ITGA6: variants seen among roughly 807,000 people sequenced by gnomAD.
ITGA6 encodes integrin alpha-6.
ITGA6 carries 63 observed loss-of-function variants against 133.6 expected under a neutral mutation model. That is an observed-to-expected ratio of 0.47 (90% confidence interval 0.38 to 0.58). The LOEUF is 0.58. Ranked by LOEUF, ITGA6 falls within the 20% of genes least tolerant of loss-of-function variation. The pLI is 0.00. For missense variants in ITGA6, 1,068 were observed against 1,309.4 expected, an observed-to-expected ratio of 0.82 and a Z score of 2.85; for synonymous variants, 434 against 482.0, an observed-to-expected ratio of 0.90 and a Z score of 1.30.
chr2:172,482,866 G>C (rs888406067), intron 11 of ITGA6, among the ~76,000 whole-genome samples: 1 of 100,914 alleles, frequency 9.9e-6, no homozygotes, highest in African/African-American at 6.0e-5. Flanking sequence ...ATGTCACATC[G>C]TGTGTGTGCG....
chr2:172,498,798 A>G (rs895145827), intron 24 of ITGA6, among the ~76,000 whole-genome samples: 9 of 152,220 alleles, frequency 5.9e-5, no homozygotes, highest in African/African-American at 1.7e-4. Context: ...AGTGAGTGAT[A>G]GAGGCTTACA....
chr2:172,493,918 A>G (rs1687023867), intron 23 of ITGA6, among the ~76,000 whole-genome samples: 2 of 152,146 alleles, frequency 1.3e-5, no homozygotes, highest in Non-Finnish European at 2.9e-5. Flanking sequence ...ATGTTCTTAG[A>G]GCTTGGAGAA....
intron 6 of ITGA6, among the ~76,000 whole-genome samples, chr2:172,474,504 A>G (rs1342979640): frequency 6.8e-6 from 1 of 147,666 alleles, no homozygotes; most frequent in Non-Finnish European, 1.5e-5. Context: ...TGGGATCATG[A>G]GTCTATGAGA....
In ITGA6 at chr2:172,492,140, C is replaced by T. The variant is rs948271200; in HGVS notation, c.2988+617C>T. Among the ~76,000 whole-genome samples the T allele has an allele frequency of 2.0e-5, 3 of 152,214 alleles. No homozygotes were observed. The East Asian group carries it at 5.8e-4, about 29-fold the overall frequency. ...CCCTTCCTGGGCAATTTGATTCCCA[C>T]GTGGACAGAGCAGCTGAGGTGGGGT... On this transcript the variant is annotated intron_variant, in intron 23 of 25. Coordinates refer to ENST00000684293, the MANE Select transcript of ITGA6 (RefSeq NM_000210.4).
chr2:172,461,889 G>A (rs1685440024), intron 1 of ITGA6, among the ~76,000 whole-genome samples: 1 of 152,172 alleles, frequency 6.6e-6, no homozygotes, highest in Non-Finnish European at 1.5e-5. Context: ...AAATGACCTA[G>A]ATTAGGAAGT....
chr2:172,481,907 A>G (rs982948924), intron 11 of ITGA6, among the ~76,000 whole-genome samples: 2 of 152,212 alleles, frequency 1.3e-5, no homozygotes, highest in African/African-American at 4.8e-5. Context: ...GCCATACCTT[A>G]CACTAGCCCA....
chr2:172,465,883 C>G, intron 2 of ITGA6: 1 of 667,836 alleles, frequency 1.5e-6, no homozygotes. Context: ...ACCGTGGTTT[C>G]TAAACCGATA....
intron 4 of ITGA6, among the ~76,000 whole-genome samples, chr2:172,470,447 C>G (rs1442038652): frequency 6.6e-6 from 1 of 152,056 alleles, no homozygotes; most frequent in African/African-American, 2.4e-5. Context: ...TAAACCTGAC[C>G]TAAAATGTCG....
At chr2:172,471,518 A>AATGC (rs1685936163) in intron 5 of ITGA6, among the ~76,000 whole-genome samples, 1 of 152,042 alleles carries the variant, frequency 6.6e-6, no homozygotes, top group Non-Finnish European at 1.5e-5. Context: ...GCATTTAATA[A>AATGC]AGTTACTCTT....
intron 1 of ITGA6, among the ~76,000 whole-genome samples, chr2:172,438,800 G>T (rs1478614021): frequency 6.6e-6 from 1 of 151,794 alleles, no homozygotes; most frequent in Non-Finnish European, 1.5e-5. Context: ...CCCTTTGGGG[G>T]CCAGGTCAAA....
intron 7 of ITGA6, 112 bp from the exon 8 acceptor site, chr2:172,475,485 C>T (rs967493581): frequency 3.6e-5 from 28 of 788,232 alleles, no homozygotes; most frequent in Non-Finnish European, 5.1e-5. Context: ...AAAAAAACCC[C>T]GAAAAAGCCA....
upstream of ITGA6, chr2:172,427,504 C>A (rs2148984695): frequency 3.6e-6 from 4 of 1,096,922 alleles, no homozygotes; most frequent in Admixed American, 5.4e-5. Context: ...GCCGCGGGCG[C>A]GCAAGGAGGG....
chr2:172,495,368 T>G (rs577560317), intron 23 of ITGA6: 46 of 152,364 alleles, frequency 3.0e-4, no homozygotes, highest in African/African-American at 9.4e-4. Flanking sequence ...CAGTAGTTTC[T>G]ACTCACCTGT....
rs776091718 is a variant in ITGA6, at chr2:172,489,542, T to C, written c.2563T>C (p.Trp855Arg). 1 of 1,614,042 alleles carries C rather than the reference T, an allele frequency of 6.2e-7. No individual in the cohort carries two copies. The highest frequency in any genetic ancestry group is 2.2e-5 in the East Asian group (1 of 44,862). ...CGGCACAGCAACCTTGAACATTCAG[T>C]GGCCAAAAGAAATTAGCAATGGGAA... Reference protein sequence around the residue: ...NLGTATLNIQWPKEISNGKWL... With the variant: ...NLGTATLNIQRPKEISNGKWL... Residue 855 changes from tryptophan to arginine, a missense_variant, in exon 20 of 26, where the codon TGG becomes CGG. Physicochemically the swap from Trp to Arg is moderately radical, Grantham distance 101. Coordinates refer to ENST00000684293, the MANE Select transcript of ITGA6 (RefSeq NM_000210.4).
intron 1 of ITGA6, among the ~76,000 whole-genome samples, chr2:172,444,877 G>A (rs560486473): frequency 8.3e-4 from 127 of 152,118 alleles, no homozygotes; most frequent in Admixed American, 3.3e-3. Flanking sequence ...AGCCATACTG[G>A]TCCCTAAATA....
At chr2:172,437,425 C>T (rs1684366754) in intron 1 of ITGA6, among the ~76,000 whole-genome samples, 1 of 152,136 alleles carries the variant, frequency 6.6e-6, no homozygotes, top group Non-Finnish European at 1.5e-5. Context: ...TTCCTGGGGA[C>T]TAGGTATCAG....
rs201430068 is a variant in ITGA6 at position 172,488,029 on chromosome 2, C to T, written c.2393C>T (p.Ser798Leu). ...KAKVVIELLL[S>L]VSGVAKPSQV... ...AAAGTGGTTATTGAACTGCTTTTAT[C>T]GGTCTCGGGGTAAGTGTTTGTGTTT... Residue 798 changes from serine (S) to leucine (L), a missense_variant, in exon 18 of 26, where the codon TCG becomes TTG. Ser to Leu is a moderately radical substitution (Grantham distance 145). Transcript: ENST00000684293. 7 of 1,613,564 alleles carry T rather than the reference C, an allele frequency of 4.3e-6. No individual in the cohort carries two copies. In the East Asian group the frequency reaches 8.9e-5, roughly 21 times the overall value.
At chr2:172,460,113 TGAGG>T (rs1685372022) in intron 1 of ITGA6, among the ~76,000 whole-genome samples, 1 of 152,246 alleles carries the variant, frequency 6.6e-6, no homozygotes, top group African/African-American at 2.4e-5. Context: ...CTTTTGAGGC[TGAGG>T]GCTTCTGATA....
At chr2:172,449,286 A>G (rs1349517969) in intron 1 of ITGA6, among the ~76,000 whole-genome samples, 4 of 152,234 alleles carry the variant, frequency 2.6e-5, no homozygotes, top group African/African-American at 7.2e-5. Context: ...ATAAAAGTAT[A>G]TGTGAAGGAT....
Sources: gnomAD v4.1 joint callset for allele counts (sites outside exome capture counted in the v4.1 genomes callset) on GRCh38, gnomAD v4.1.1 for gene constraint, MANE v1.5 for transcripts, NCBI Gene and HGNC (gene_info 2026-07-23, HGNC 2026-07-21) for gene names.